KIAA0825: variants seen among roughly 807,000 people sequenced by gnomAD.
KIAA0825 encodes the protein KIAA0825.
Under a neutral mutation model 147.6 loss-of-function variants are expected in KIAA0825, and 119 were observed. The ratio of observed to expected loss-of-function variants is 0.81; its 90% CI spans 0.69 to 0.94. The LOEUF (loss-of-function observed/expected upper bound fraction) is 0.94, where lower values mean the gene tolerates loss of function less well. Among genes scored for constraint, KIAA0825 ranks in the 40% least tolerant of loss-of-function variants. The pLI, the probability that KIAA0825 is intolerant of heterozygous loss-of-function variation, is 0.00. For synonymous variants in KIAA0825, 470 were observed against 518.1 expected (o/e 0.91, Z 1.26); for missense variants, 1,381 against 1,472.7 (o/e 0.94, Z 1.02).
At chr5:94,477,698 C>A (rs1238474570) in intron 6 of KIAA0825, among the ~76,000 whole-genome samples, 1 of 151,756 alleles carries the variant, frequency 6.6e-6, no homozygotes, top group African/African-American at 2.4e-5. Flanking sequence ...AAAATTATAC[C>A]CTTAAGCATA....
intron 20 of KIAA0825, among the ~76,000 whole-genome samples, chr5:94,377,725 T>G (rs1320061297): frequency 2.0e-5 from 3 of 152,220 alleles, no homozygotes; most frequent in Non-Finnish European, 4.4e-5. Context: ...TTTTTCACAA[T>G]AGCAAACTTT....
intron 20 of KIAA0825, among the ~76,000 whole-genome samples, chr5:94,195,091 C>G (rs1203379254): frequency 1.3e-5 from 2 of 152,166 alleles, no homozygotes; most frequent in African/African-American, 2.4e-5. Flanking sequence ...AATTCTTACC[C>G]ACTTCTGTCT....
chr5:94,229,406 T>C (rs1276128952), intron 20 of KIAA0825, among the ~76,000 whole-genome samples: 1 of 152,158 alleles, frequency 6.6e-6, no homozygotes, highest in Non-Finnish European at 1.5e-5. Flanking sequence ...CAGAGAGTTA[T>C]AATGTTCGTG....
intron 1 of KIAA0825, among the ~76,000 whole-genome samples, chr5:94,583,404 T>C (rs1259356009): frequency 6.6e-6 from 1 of 152,204 alleles, no homozygotes; most frequent in Non-Finnish European, 1.5e-5. Context: ...TGCTTGCTGC[T>C]AGTGCAGCAG....
At chr5:94,303,793 C>T (rs2150182806) in intron 20 of KIAA0825, among the ~76,000 whole-genome samples, 1 of 152,044 alleles carries the variant, frequency 6.6e-6, no homozygotes, top group East Asian at 1.9e-4. Flanking sequence ...TGAGGCTCCC[C>T]TGCACCACTA....
intron 10 of KIAA0825, among the ~76,000 whole-genome samples, chr5:94,465,539 CAT>C (rs1409925547): frequency 2.0e-5 from 3 of 152,080 alleles, no homozygotes; most frequent in Non-Finnish European, 2.9e-5. Context: ...AATAAACTTG[CAT>C]ACTGCATTCT....
chr5:94,413,600 A>T (rs1753051465), intron 15 of KIAA0825: 1 of 152,188 alleles, frequency 6.6e-6, no homozygotes, highest in African/African-American at 2.4e-5. Context: ...TCACGACAAA[A>T]AGCAGGTCAG....
chr5:94,530,755 T>G (rs1434418778), intron 3 of KIAA0825, among the ~76,000 whole-genome samples: 1 of 152,106 alleles, frequency 6.6e-6, no homozygotes, highest in Non-Finnish European at 1.5e-5. Context: ...AGTCCTCTTA[T>G]AGTGTTCCCT....
At chr5:94,417,689 T>G (rs1308059075) in intron 14 of KIAA0825, among the ~76,000 whole-genome samples, 1 of 152,164 alleles carries the variant, frequency 6.6e-6, no homozygotes, top group Non-Finnish European at 1.5e-5. Flanking sequence ...TAAGGAAAAC[T>G]TTTTTGTTTC....
intron 20 of KIAA0825, among the ~76,000 whole-genome samples, chr5:94,211,608 C>G (rs1772714091): frequency 6.6e-6 from 1 of 152,190 alleles, no homozygotes; most frequent in East Asian, 1.9e-4. Context: ...TTTACTTCTC[C>G]TTCTCATTCT....
chr5:94,245,941 A>G (rs1775586265), intron 20 of KIAA0825, among the ~76,000 whole-genome samples: 1 of 152,274 alleles, frequency 6.6e-6, no homozygotes, highest in East Asian at 1.9e-4. Context: ...TAAGTTACTC[A>G]GTTCTTTAAA....
intron 20 of KIAA0825, among the ~76,000 whole-genome samples, chr5:94,308,732 TTTGGCCTTAGATCTAATCA>T (rs1404977232): frequency 6.6e-6 from 1 of 151,766 alleles, no homozygotes; most frequent in East Asian, 1.9e-4. Flanking sequence ...TCTCCTTCCA[TTTGGCCTTAGATCTAATCA>T]GGTGCTCAAT....
At chr5:94,308,655 AGAGT>A (rs1778897346) in intron 20 of KIAA0825, among the ~76,000 whole-genome samples, 3 of 151,832 alleles carry the variant, frequency 2.0e-5, no homozygotes, top group African/African-American at 7.2e-5. Context: ...GTCAATAAAT[AGAGT>A]GAGTATCTGC....
At chr5:94,607,638 AAAC>A (rs1403305760) in intron 1 of KIAA0825, among the ~76,000 whole-genome samples, 1 of 152,056 alleles carries the variant, frequency 6.6e-6, no homozygotes, top group Non-Finnish European at 1.5e-5. Context: ...AACAAACAAA[AAAC>A]AAGAAGTTAT....
intron 20 of KIAA0825, among the ~76,000 whole-genome samples, chr5:94,336,945 T>C (rs1781871996): frequency 6.6e-6 from 1 of 152,144 alleles, no homozygotes; most frequent in South Asian, 2.1e-4. Context: ...TGCTAGGCCA[T>C]TAAATAAGTA....
At position 94,154,031 on chromosome 5, in the gene KIAA0825, G is replaced by A; in HGVS notation, c.3804C>T (p.Ala1268=). The A allele has an allele frequency of 2.6e-6, 4 of 1,551,314 alleles. No individual in the cohort carries two copies. The highest frequency in any genetic ancestry group is 2.6e-6 in the Non-Finnish European group (3 of 1,146,596). The change falls in exon 21 of 21, where the codon GCC becomes GCT. Residue 1268 remains alanine (A), a synonymous_variant. Coordinates refer to ENST00000682413, the MANE Select transcript of KIAA0825 (RefSeq NM_001145678.3). ...KQICTPQNSS[A]SDNIEEQ is the part of the protein sequence containing the mutation. ...ATTACTGTTCCTCTATGTTATCTGA[G>A]GCAGAAGAGTTCTGTGGGGTGCAAA...
intron 1 of KIAA0825, chr5:94,611,823 G>A (rs1788891408): frequency 6.6e-6 from 1 of 152,030 alleles, no homozygotes; most frequent in Non-Finnish European, 1.5e-5. Context: ...GTGCATACCT[G>A]TAGCCCCAGC....
At chr5:94,167,083 C>T (rs897546280) in intron 20 of KIAA0825, among the ~76,000 whole-genome samples, 2 of 152,064 alleles carry the variant, frequency 1.3e-5, no homozygotes, top group Non-Finnish European at 2.9e-5. Flanking sequence ...CCTCCTCACC[C>T]CAAGAAAAAC....
intron 20 of KIAA0825, among the ~76,000 whole-genome samples, chr5:94,295,624 T>G (rs1232075845): frequency 6.6e-6 from 1 of 152,204 alleles, no homozygotes. Flanking sequence ...ATCCTTTTTG[T>G]TGATGTTGAT....
Sources: gnomAD v4.1 joint callset for allele counts (sites outside exome capture counted in the v4.1 genomes callset) on GRCh38, gnomAD v4.1.1 for gene constraint, MANE v1.5 for transcripts, NCBI Gene and HGNC (gene_info 2026-07-23, HGNC 2026-07-21) for gene names.